FAM13B: variants seen among roughly 807,000 people sequenced by gnomAD.
FAM13B encodes protein FAM13B.
Under a neutral mutation model 117.3 loss-of-function variants are expected in FAM13B, and 60 were observed. The observed-to-expected ratio is 0.51, with a 90% CI of 0.42 to 0.63. The LOEUF (loss-of-function observed/expected upper bound fraction) is 0.63, where lower values mean the gene tolerates loss of function less well. FAM13B is among the 30% of genes least tolerant of loss of function. The pLI is 0.00. For synonymous variants in FAM13B, 332 were observed against 356.1 expected, an observed-to-expected ratio of 0.93 and a Z score of 0.76; for missense variants, 972 against 1,091.9, an observed-to-expected ratio of 0.89 and a Z score of 1.55.
chr5:137,971,259 A>C (rs1451684506), intron 10 of FAM13B, among the ~76,000 whole-genome samples: 4 of 151,136 alleles, frequency 2.6e-5, no homozygotes, highest in African/African-American at 9.7e-5. Flanking sequence ...ATAACAAACT[A>C]TCTCTCAGAC....
intron 1 of FAM13B, among the ~76,000 whole-genome samples, chr5:138,047,278 G>A (rs1207208247): frequency 1.3e-5 from 2 of 151,442 alleles, no homozygotes; most frequent in Non-Finnish European, 2.9e-5. Context: ...AGGCCGAGGC[G>A]GGTGGATCAT....
intron 2 of FAM13B, chr5:138,020,007 T>C (rs1436198348): frequency 1.0e-6 from 1 of 980,334 alleles, no homozygotes; most frequent in East Asian, 1.1e-4. Flanking sequence ...AAAAGAAATT[T>C]TTCATTTCTG....
chr5:138,014,783 A>T (rs1784872855), intron 4 of FAM13B, among the ~76,000 whole-genome samples: 1 of 152,198 alleles, frequency 6.6e-6, no homozygotes, highest in Non-Finnish European at 1.5e-5. Context: ...CATTTCCTCT[A>T]CACATTTGTA....
chr5:138,047,269 G>A (rs1791668724), intron 1 of FAM13B, among the ~76,000 whole-genome samples: 1 of 151,230 alleles, frequency 6.6e-6, no homozygotes, highest in Admixed American at 6.6e-5. Context: ...CACTTTGGGA[G>A]GCCGAGGCGG....
At chr5:137,973,978 G>C (rs1773121941) in intron 10 of FAM13B, among the ~76,000 whole-genome samples, 3 of 138,388 alleles carry the variant, frequency 2.2e-5, no homozygotes, top group East Asian at 2.1e-4. Flanking sequence ...AGGATGTGGA[G>C]AAATAGGAAC....
chr5:137,946,238 T>A lies in FAM13B; in HGVS notation c.2234A>T (p.His745Leu), dbSNP rs759942646. Reference sequence around the variant, plus strand: ...CAAGAGAGATATTACCGGCCTTCCATGTTGACTTTCATAGTAAAGAAGACT... The same window carrying A: ...CAAGAGAGATATTACCGGCCTTCCAAGTTGACTTTCATAGTAAAGAAGACT... ...QKSLLYYESQ[H>L]GRPVTKEERH... is the part of the protein sequence containing the mutation. Residue 745 changes from histidine (H) to leucine (L), a missense_variant, in exon 19 of 24, where the codon CAT becomes CTT. Coordinates refer to ENST00000689681, the MANE Select transcript of FAM13B (RefSeq NM_001385994.1). The A allele has an allele frequency of 6.3e-7, 1 of 1,587,256 alleles. No individual in the cohort carries two copies. The highest frequency in any genetic ancestry group is 8.5e-7 in the Non-Finnish European group (1 of 1,171,322).
chr5:138,026,505 C>A (rs1452464281), intron 1 of FAM13B, among the ~76,000 whole-genome samples: 1 of 150,800 alleles, frequency 6.6e-6, no homozygotes, highest in Non-Finnish European at 1.5e-5. Context: ...CATGCGCCTG[C>A]AGTCCCAGCT....
In FAM13B at chr5:138,007,078, C is replaced by A. The variant is rs1482565627; in HGVS notation, c.760G>T (p.Gly254Cys). ...GGCATGTCATTTGATTTTTCTGCAC[C>A]CTCTTCTGGAAGTTCTTCAATATGT... The part of the protein sequence containing the change: ...LEHIEELPEE[G>C]AEKSNDMPEV... Residue 254 changes from glycine (G) to cysteine (C), a missense_variant, in exon 7 of 24, where the codon GGT (glycine) becomes TGT (cysteine). Gly to Cys is a radical substitution (Grantham distance 159). Coordinates refer to ENST00000689681, the MANE Select transcript of FAM13B (RefSeq NM_001385994.1). 2 of 1,613,430 alleles carry A rather than the reference C, an allele frequency of 1.2e-6. No homozygotes were observed. Among genetic ancestry groups the A allele is most frequent in the African/African-American group, 2.7e-5 (2 of 74,902 alleles).
intron 7 of FAM13B, among the ~76,000 whole-genome samples, chr5:137,989,929 G>A (rs1478922458): frequency 2.6e-5 from 4 of 152,118 alleles, no homozygotes; most frequent in African/African-American, 9.7e-5. Flanking sequence ...AAAGAAGAGT[G>A]TAGCCATCAT....
At chr5:137,966,288 T>A (rs908382004) in intron 10 of FAM13B, among the ~76,000 whole-genome samples, 1 of 151,262 alleles carries the variant, frequency 6.6e-6, no homozygotes, top group Non-Finnish European at 1.5e-5. Context: ...AATACAAAAA[T>A]TAGCTGGGCG....
chr5:138,041,697 G>A (rs1040203792), intron 1 of FAM13B, among the ~76,000 whole-genome samples: 1 of 151,984 alleles, frequency 6.6e-6, no homozygotes, highest in African/African-American at 2.4e-5. Context: ...AGCACTTTGG[G>A]AGGCCAAGGC....
intron 10 of FAM13B, among the ~76,000 whole-genome samples, chr5:137,983,719 A>G (rs1246137261): frequency 6.6e-6 from 1 of 152,218 alleles, no homozygotes; most frequent in Non-Finnish European, 1.5e-5. Context: ...AATGTCTTCT[A>G]GTTTATAAAA....
At chr5:137,958,469 C>T (rs556777290) in intron 13 of FAM13B, among the ~76,000 whole-genome samples, 1 of 152,014 alleles carries the variant, frequency 6.6e-6, no homozygotes, top group Admixed American at 6.5e-5. Flanking sequence ...ACAAGACCCA[C>T]ACACACTCCA....
Position 138,018,483 on chromosome 5 carries a change from G to T in FAM13B, c.189C>A (p.Val63=). 3 of 1,614,028 alleles carry T rather than the reference G, an allele frequency of 1.9e-6. No homozygotes were observed. Among genetic ancestry groups the T allele is most frequent in the East Asian group, 4.5e-5 (2 of 44,860 alleles). The change falls in exon 4 of 24, where the codon GTC becomes GTA. Residue 63 remains valine (V), a synonymous_variant. Coordinates refer to ENST00000689681, the MANE Select transcript of FAM13B (RefSeq NM_001385994.1). ...GGLEQQGLFQ[V]NGNAETVEWL... ...ACTCCACTGTCTCAGCATTTCCATT[G>T]ACTTGAAAAAGTCCTTGTTGCTCCA...
At chr5:137,977,342 C>T (rs1187997261) in intron 10 of FAM13B, among the ~76,000 whole-genome samples, 1 of 152,192 alleles carries the variant, frequency 6.6e-6, no homozygotes, top group African/African-American at 2.4e-5. Context: ...CGCCCTGCCT[C>T]CATTTGCCTT....
At chr5:138,002,335 A>G (rs983078429) in intron 7 of FAM13B, among the ~76,000 whole-genome samples, 7 of 152,154 alleles carry the variant, frequency 4.6e-5, no homozygotes, top group African/African-American at 7.2e-5. Context: ...TCAAGAGACC[A>G]GCCTGGCCAA....
chr5:137,949,259 C>T (rs1764266380), intron 17 of FAM13B, 75 bp from the exon 18 acceptor site: 1 of 1,085,740 alleles, frequency 9.2e-7, no homozygotes, highest in East Asian at 2.4e-5. Context: ...AAGCAAAATA[C>T]ACAACAAGAA....
At chr5:137,992,976 G>A (rs1778994080) in intron 7 of FAM13B, among the ~76,000 whole-genome samples, 1 of 133,374 alleles carries the variant, frequency 7.5e-6, no homozygotes, top group South Asian at 3.0e-4. Context: ...GGATAATTGT[G>A]GTGTAATCAT....
rs1776204561 is a variant in FAM13B at position 137,983,022 on chromosome 5, T to C, written c.1179+2235A>G. Among the ~76,000 whole-genome samples the C allele has an allele frequency of 1.3e-5, 2 of 151,950 alleles. 1 individual carries two copies. Among genetic ancestry groups the C allele is most frequent in the East Asian group, 3.9e-4 (2 of 5,174 alleles). On this transcript the variant is annotated intron_variant, in intron 10 of 23. Coordinates refer to ENST00000689681, the MANE Select transcript of FAM13B (RefSeq NM_001385994.1). Reference sequence around the variant, plus strand: ...AATTTGGGAATCAGTAGCACATAGATGGTAGGTAGAGCCATTAGACTAAAC... The same window carrying C: ...AATTTGGGAATCAGTAGCACATAGACGGTAGGTAGAGCCATTAGACTAAAC...
Sources: allele counts gnomAD v4.1 joint callset (sites outside exome capture counted in the v4.1 genomes callset), GRCh38; gene constraint gnomAD v4.1.1; transcripts MANE v1.5; gene names NCBI Gene and HGNC (gene_info 2026-07-23, HGNC 2026-07-21).